The following AK5 variants were observed in gnomAD, a reference collection of about 807,000 sequenced individuals.
AK5 encodes the protein adenylate kinase isoenzyme 5.
AK5 carries 27 observed loss-of-function variants against 69.5 expected under a neutral mutation model. The observed-to-expected ratio is 0.39, with a 90% confidence interval of 0.29 to 0.54. The LOEUF (loss-of-function observed/expected upper bound fraction) is 0.54, where lower values mean the gene tolerates loss of function less well. Among genes scored for constraint, AK5 ranks in the 20% least tolerant of loss-of-function variants. AK5 has a pLI of 0.71. For missense variants in AK5, 531 were observed against 700.4 expected, an observed-to-expected ratio of 0.76 and a Z score of 2.73; for synonymous variants, 260 against 244.4, an observed-to-expected ratio of 1.06 and a Z score of -0.60.
At chr1:77,337,627 A>C (rs1473052236) in intron 5 of AK5, among the ~76,000 whole-genome samples, 1 of 152,206 alleles carries the variant, frequency 6.6e-6, no homozygotes, top group Non-Finnish European at 1.5e-5. Context: ...CTTTAACTTC[A>C]GGTAATCTCT....
At chr1:77,368,274 T>C (rs1403380584) in intron 6 of AK5, among the ~76,000 whole-genome samples, 1 of 58,360 alleles carries the variant, frequency 1.7e-5, no homozygotes, top group South Asian at 8.5e-4. Context: ...TATATATATG[T>C]TATATATGTT....
chr1:77,368,245 A>ATATATAATATATATATGTTATATATAT, intron 6 of AK5, among the ~76,000 whole-genome samples: 1 of 67,910 alleles, frequency 1.5e-5, no homozygotes, highest in African/African-American at 4.8e-5. Context: ...ATATATATAT[A>ATATATAATATATATATGTTATATATAT]TATATATAAT....
intron 13 of AK5, among the ~76,000 whole-genome samples, chr1:77,544,079 GTC>G: frequency 6.6e-6 from 1 of 152,178 alleles, no homozygotes; most frequent in Non-Finnish European, 1.5e-5. Context: ...ACGACAGCCT[GTC>G]ACTGTATTGA....
intron 9 of AK5, among the ~76,000 whole-genome samples, chr1:77,483,789 A>G (rs1655416211): frequency 6.6e-6 from 1 of 152,214 alleles, no homozygotes; most frequent in South Asian, 2.1e-4. Flanking sequence ...CCTGCCTGGT[A>G]GTTACTATTC....
At chr1:77,338,394 A>G (rs1034820452) in intron 5 of AK5, among the ~76,000 whole-genome samples, 1 of 152,234 alleles carries the variant, frequency 6.6e-6, no homozygotes, top group Non-Finnish European at 1.5e-5. Flanking sequence ...GAGTGTTGCT[A>G]CAATAAAAAT....
rs1660317713 is a variant in AK5, at chr1:77,559,429, T to C, written c.*759T>C. 6.6e-6 allele frequency: 1 copy of C among 152,192 alleles called. No homozygotes were observed. Among genetic ancestry groups the C allele is most frequent in the African/African-American group, 2.4e-5 (1 of 41,448 alleles). 9.4% of individuals were successfully genotyped at this position (152,192 alleles called of 1,614,324 possible). A position where few individuals can be genotyped will look rare whatever the true frequency, so the allele number is the denominator to read the frequency against. The stretch of plus-strand genomic sequence containing the variant: ...TCTCTTCTCTACATGGTGATGCATT[T>C]CAGCAATTATAAATTAATATAAATG... On this transcript the variant is annotated 3_prime_UTR_variant, in exon 14 of 14. Transcript: ENST00000354567.
chr1:77,500,390 A>G (rs983890124), intron 10 of AK5, among the ~76,000 whole-genome samples: 3 of 152,042 alleles, frequency 2.0e-5, no homozygotes, highest in Admixed American at 6.6e-5. Flanking sequence ...TACAAAACAG[A>G]TAACAGTTAT....
intron 5 of AK5, among the ~76,000 whole-genome samples, chr1:77,339,942 A>G (rs746220683): frequency 6.6e-6 from 1 of 152,180 alleles, no homozygotes; most frequent in Non-Finnish European, 1.5e-5. Context: ...AGGAAACAGC[A>G]TTGGGCCTGG....
chr1:77,487,826 C>T (rs1024975190), intron 10 of AK5, among the ~76,000 whole-genome samples: 6 of 152,194 alleles, frequency 3.9e-5, no homozygotes, highest in African/African-American at 1.4e-4. Context: ...CACATTCAGC[C>T]ATCTGACACA....
intron 5 of AK5, among the ~76,000 whole-genome samples, chr1:77,301,738 A>C (rs1334686539): frequency 2.6e-5 from 4 of 152,182 alleles, no homozygotes; most frequent in Non-Finnish European, 5.9e-5. Flanking sequence ...ACTAATAAAG[A>C]GTGGAGGAGC....
chr1:77,362,830 A>G (rs1646888325), intron 6 of AK5, among the ~76,000 whole-genome samples: 1 of 152,206 alleles, frequency 6.6e-6, no homozygotes, highest in African/African-American at 2.4e-5. Context: ...TTGAAAAGTA[A>G]TTTGGTAATA....
intron 8 of AK5, among the ~76,000 whole-genome samples, chr1:77,418,134 G>A (rs531534784): frequency 1.3e-5 from 2 of 152,202 alleles, no homozygotes; most frequent in Non-Finnish European, 2.9e-5. Context: ...CCCAAGACTG[G>A]GCAATTTATA....
intron 6 of AK5, among the ~76,000 whole-genome samples, chr1:77,374,969 A>G (rs770082079): frequency 6.6e-6 from 1 of 152,198 alleles, no homozygotes; most frequent in African/African-American, 2.4e-5. Flanking sequence ...ACACGGGCCT[A>G]TGTACCCTCA....
intron 8 of AK5, among the ~76,000 whole-genome samples, chr1:77,436,820 T>G (rs1401140971): frequency 6.6e-6 from 1 of 152,114 alleles, no homozygotes; most frequent in Non-Finnish European, 1.5e-5. Context: ...TTGTTAGCCG[T>G]TTTTACAGGC....
At chr1:77,426,552 C>T (rs1402243989) in intron 8 of AK5, among the ~76,000 whole-genome samples, 1 of 152,158 alleles carries the variant, frequency 6.6e-6, no homozygotes, top group Non-Finnish European at 1.5e-5. Flanking sequence ...CAACACTCCT[C>T]TATCAGAAAT....
chr1:77,390,406 T>C (rs190177254), intron 6 of AK5, among the ~76,000 whole-genome samples: 6 of 152,364 alleles, frequency 3.9e-5, no homozygotes, highest in African/African-American at 1.4e-4. Context: ...CTACTGCATA[T>C]ATGTTGGATG....
chr1:77,558,944 T>A lies in AK5; in HGVS notation c.*274T>A, dbSNP rs1253810707. On this transcript the variant is annotated 3_prime_UTR_variant, in exon 14 of 14. Transcript: ENST00000354567. ...ACACTTTGTATCATGCAGGCCACAC[T>A]CAGAGCTAGTCAGTACATGAACAGT... 5.8e-6 allele frequency: 2 copies of A among 343,020 alleles called. No homozygotes were observed. The highest frequency in any genetic ancestry group is 4.1e-5 in the African/African-American group (2 of 48,298). 21.2% of individuals were successfully genotyped at this position (343,020 alleles called of 1,614,324 possible).
intron 6 of AK5, among the ~76,000 whole-genome samples, chr1:77,367,235 A>C (rs1003404603): frequency 1.3e-5 from 2 of 150,718 alleles, no homozygotes; most frequent in Non-Finnish European, 3.0e-5. Context: ...TTTTGGGGGG[A>C]GGGTGGGATT....
intron 10 of AK5, among the ~76,000 whole-genome samples, chr1:77,515,251 G>C (rs1369299994): frequency 2.0e-5 from 3 of 152,192 alleles, no homozygotes; most frequent in African/African-American, 7.2e-5. Flanking sequence ...GCAGAAGATA[G>C]AAAACTCAGA....
Sources: gnomAD v4.1 joint callset for allele counts (sites outside exome capture counted in the v4.1 genomes callset) on GRCh38, gnomAD v4.1.1 for gene constraint, MANE v1.5 for transcripts, NCBI Gene and HGNC (gene_info 2026-07-23, HGNC 2026-07-21) for gene names.